Variants in ITGB5 observed in about 807,000 individuals in gnomAD.
ITGB5 encodes integrin subunit beta 5, also known as integrin beta-5.
Under a neutral mutation model 84.8 loss-of-function variants are expected in ITGB5, and 38 were observed. The ratio of observed to expected loss-of-function variants is 0.45; its 90% confidence interval spans 0.35 to 0.59. The LOEUF is 0.59. ITGB5 is among the 20% of genes least tolerant of loss of function. The probability of loss-of-function intolerance (pLI) is 0.01; values close to 1 mark genes in which losing one functional copy is unlikely to be tolerated. For synonymous variants in ITGB5, 393 were observed against 414.4 expected (o/e 0.95, Z 0.63); for missense variants, 905 against 1,034.5 (o/e 0.87, Z 1.72).
intron 11 of ITGB5, 128 bp from the exon 12 acceptor site, chr3:124,769,241 CAG>C (rs1291192801): frequency 1.5e-6 from 1 of 686,492 alleles, no homozygotes; most frequent in South Asian, 1.9e-5. Flanking sequence ...TGTTCAGCCT[CAG>C]GGAATGTTTC....
At chr3:124,764,223 G>A (rs555716766) in intron 14 of ITGB5, among the ~76,000 whole-genome samples, 168 bp downstream of exon 14, 12 of 152,150 alleles carry the variant, frequency 7.9e-5, no homozygotes, top group Non-Finnish European at 1.8e-4. Context: ...CTCTGCACTG[G>A]GGCTGTGCAA....
intron 10 of ITGB5, among the ~76,000 whole-genome samples, chr3:124,776,794 TG>T (rs1248158708): frequency 1.3e-5 from 2 of 152,238 alleles, no homozygotes; most frequent in East Asian, 3.8e-4. Context: ...TAATTGTTGC[TG>T]GCTGCACCAT....
chr3:124,794,642 C>T (rs1433118551), intron 10 of ITGB5, among the ~76,000 whole-genome samples: 5 of 151,684 alleles, frequency 3.3e-5, no homozygotes, highest in African/African-American at 9.7e-5. Flanking sequence ...ATTTGCCAGG[C>T]GTGGTGGTGG....
intron 2 of ITGB5, among the ~76,000 whole-genome samples, chr3:124,861,763 T>C (rs945479598): frequency 6.6e-6 from 1 of 152,136 alleles, no homozygotes; most frequent in Non-Finnish European, 1.5e-5. Flanking sequence ...GCTTTCACCA[T>C]GTTGGCCAGG....
intron 4 of ITGB5, among the ~76,000 whole-genome samples, chr3:124,845,799 G>A (rs540034342): frequency 6.6e-6 from 1 of 152,250 alleles, no homozygotes; most frequent in Non-Finnish European, 1.5e-5. Flanking sequence ...TTAGGACAGA[G>A]GTGAAAAGAA....
At chr3:124,848,027 A>G (rs2065100614) in intron 4 of ITGB5, among the ~76,000 whole-genome samples, 1 of 152,108 alleles carries the variant, frequency 6.6e-6, no homozygotes, top group African/African-American at 2.4e-5. Flanking sequence ...CCCTGAGGAC[A>G]TTTTCTGAAT....
At chr3:124,858,025 T>C (rs1428804303) in intron 3 of ITGB5, among the ~76,000 whole-genome samples, 2 of 150,880 alleles carry the variant, frequency 1.3e-5, no homozygotes, top group African/African-American at 4.9e-5. Context: ...ATCCAGCTAT[T>C]AGGGAGGCTG....
chr3:124,804,032 C>A (rs777474281), intron 9 of ITGB5, among the ~76,000 whole-genome samples: 11 of 152,206 alleles, frequency 7.2e-5, no homozygotes, highest in Non-Finnish European at 1.6e-4. Flanking sequence ...TAACTGTATT[C>A]CTGCTTTCCA....
intron 8 of ITGB5, among the ~76,000 whole-genome samples, chr3:124,814,331 G>A (rs1353349410): frequency 1.3e-5 from 2 of 151,858 alleles, no homozygotes; most frequent in Non-Finnish European, 2.9e-5. Context: ...TCACTTTTTG[G>A]AGTAATGAAC....
intron 10 of ITGB5, chr3:124,791,588 C>A (rs74435364): frequency 3.3e-5 from 5 of 152,380 alleles, no homozygotes; most frequent in Non-Finnish European, 7.3e-5. Context: ...CTGGCTCTGC[C>A]TCAGCCACTT....
At chr3:124,828,469 G>A (rs1387437267) in intron 5 of ITGB5, among the ~76,000 whole-genome samples, 1 of 152,230 alleles carries the variant, frequency 6.6e-6, no homozygotes, top group Non-Finnish European at 1.5e-5. Flanking sequence ...GCAGTCTAGT[G>A]TGTAGTGACA....
intron 10 of ITGB5, among the ~76,000 whole-genome samples, chr3:124,786,730 C>T (rs1270177550): frequency 2.0e-5 from 3 of 152,156 alleles, no homozygotes; most frequent in Admixed American, 1.3e-4. Flanking sequence ...GTGTTCTGAG[C>T]ATGACAGACA....
intron 13 of ITGB5, among the ~76,000 whole-genome samples, chr3:124,765,936 G>A (rs1287527633): frequency 6.6e-6 from 1 of 151,946 alleles, no homozygotes; most frequent in East Asian, 1.9e-4. Context: ...GTGCATGCCT[G>A]TAGTGCCAGC....
chr3:124,789,370 A>G (rs79753178), intron 10 of ITGB5, among the ~76,000 whole-genome samples: 2 of 134,272 alleles, frequency 1.5e-5, no homozygotes, highest in Non-Finnish European at 1.6e-5. Context: ...GCCTTTAACT[A>G]GACAGGGTTA....
Position 124,764,498 on chromosome 3 carries a change from G to A in ITGB5, c.2197C>T (p.Leu733Phe), listed in dbSNP as rs779383084. The change falls in exon 14 of 15, where the codon CTT becomes TTT. Residue 733 changes from leucine (L) to phenylalanine (F), a missense_variant. By Grantham distance (22) the Leu-to-Phe change is conservative. Coordinates refer to ENST00000296181, the MANE Select transcript of ITGB5 (RefSeq NM_002213.5). ...ATAGCCAGGAGTGCAAGCCCAACAA[G>A]GAGGATGCTACCGACCACAGCCAGG... Reference protein sequence around the residue: ...ILLAVVGSILLVGLALLAIWK... With the variant: ...ILLAVVGSILFVGLALLAIWK... 1.2e-6 allele frequency: 2 copies of A among 1,614,026 alleles called. No homozygotes were observed. The highest frequency in any genetic ancestry group is 1.7e-6 in the Non-Finnish European group (2 of 1,179,974).
intron 2 of ITGB5, among the ~76,000 whole-genome samples, chr3:124,861,495 T>C (rs2619324): frequency 0.099 from 11,091 of 111,956 alleles, 581 homozygotes; most frequent in Middle Eastern, 0.12. Context: ...TATATATATA[T>C]ACACACACAC....
At chr3:124,832,974 G>A (rs1579267632) in intron 5 of ITGB5, 1 of 152,152 alleles carries the variant, frequency 6.6e-6, no homozygotes, top group East Asian at 1.9e-4. Context: ...GGGTCTCTGT[G>A]ATTGGTTTCC....
intron 5 of ITGB5, among the ~76,000 whole-genome samples, chr3:124,834,707 A>C (rs529708131): frequency 1.3e-5 from 2 of 152,218 alleles, no homozygotes; most frequent in East Asian, 1.9e-4. Flanking sequence ...CAAGCAAGCA[A>C]ACCAGGAATA....
At chr3:124,896,746 TAA>T (rs34601718) in intron 1 of ITGB5, among the ~76,000 whole-genome samples, 17 of 124,546 alleles carry the variant, frequency 1.4e-4, no homozygotes, top group Non-Finnish European at 1.1e-4. Flanking sequence ...GACCTTGTCT[TAA>T]AAAAAAAAAA....
Sources: gnomAD v4.1 joint callset for allele counts (sites outside exome capture counted in the v4.1 genomes callset) on GRCh38, gnomAD v4.1.1 for gene constraint, MANE v1.5 for transcripts, NCBI Gene and HGNC (gene_info 2026-07-23, HGNC 2026-07-21) for gene names.